Variants in ERBIN observed in about 807,000 individuals in gnomAD.
The protein encoded by ERBIN is densin-180-like protein.
In ERBIN, 60 loss-of-function variants were observed where a neutral mutation model predicts 158.4. The ratio of observed to expected loss-of-function variants is 0.38; its 90% CI spans 0.31 to 0.47. ERBIN has a LOEUF of 0.47. Ranked by LOEUF, ERBIN falls within the 20% of genes least tolerant of loss-of-function variation. The pLI, the probability that ERBIN is intolerant of heterozygous loss-of-function variation, is 0.99. For synonymous variants in ERBIN, 594 were observed against 557.2 expected, an observed-to-expected ratio of 1.07 and a Z score of -0.93; for missense variants, 1,610 against 1,648.0, an observed-to-expected ratio of 0.98 and a Z score of 0.40.
chr5:65,987,427 T>C (rs981361873), intron 1 of ERBIN, among the ~76,000 whole-genome samples: 2 of 132,522 alleles, frequency 1.5e-5, no homozygotes, highest in African/African-American at 5.6e-5. Context: ...CTGGGTGTGG[T>C]GGTGCACGCT....
chr5:66,069,354 A>G (rs780939662), intron 21 of ERBIN, among the ~76,000 whole-genome samples: 2 of 152,224 alleles, frequency 1.3e-5, no homozygotes, highest in African/African-American at 4.8e-5. Context: ...TTTTAAGGCT[A>G]TGCTATATGT....
At chr5:65,941,202 A>G (rs968122361) in intron 1 of ERBIN, among the ~76,000 whole-genome samples, 4 of 152,056 alleles carry the variant, frequency 2.6e-5, no homozygotes, top group Admixed American at 2.0e-4. Context: ...GGTCCTCTGC[A>G]TATGAAAACC....
intron 22 of ERBIN, among the ~76,000 whole-genome samples, chr5:66,072,810 A>G (rs992260127): frequency 6.6e-6 from 1 of 152,172 alleles, no homozygotes; most frequent in Admixed American, 6.5e-5. Flanking sequence ...ATTTTTTACT[A>G]TCCTCCCTCA....
At chr5:65,927,553 A>T (rs748751209) in intron 1 of ERBIN, among the ~76,000 whole-genome samples, 1 of 152,240 alleles carries the variant, frequency 6.6e-6, no homozygotes, top group Admixed American at 6.5e-5. Flanking sequence ...ATTAAACAAC[A>T]TTAACAACCT....
At chr5:65,948,783 A>G (rs1453114604) in intron 1 of ERBIN, among the ~76,000 whole-genome samples, 1 of 9,574 alleles carries the variant, frequency 1.0e-4, no homozygotes. Context: ...TTTTTTTTTG[A>G]GACAGAGTCT....
At chr5:66,060,450 C>T (rs1423962446) in intron 21 of ERBIN, among the ~76,000 whole-genome samples, 8 of 152,142 alleles carry the variant, frequency 5.3e-5, no homozygotes, top group Non-Finnish European at 1.2e-4. Flanking sequence ...ATTAGTCTTG[C>T]TAGCAGTCTA....
At chr5:65,994,567 A>C (rs1355402398) in intron 3 of ERBIN, among the ~76,000 whole-genome samples, 180 bp from the exon 4 acceptor site, 1 of 152,182 alleles carries the variant, frequency 6.6e-6, no homozygotes, top group Non-Finnish European at 1.5e-5. Context: ...ATATAAATTA[A>C]TCTGAATGGT....
chr5:65,963,860 A>G (rs1479723692), intron 1 of ERBIN, among the ~76,000 whole-genome samples: 1 of 148,772 alleles, frequency 6.7e-6, no homozygotes, highest in Admixed American at 6.7e-5. Flanking sequence ...TGCGATTTCA[A>G]CTCACTGCAA....
intron 12 of ERBIN, 28 bp downstream of exon 12, chr5:66,026,005 T>C: frequency 6.4e-7 from 1 of 1,552,848 alleles, no homozygotes; most frequent in African/African-American, 1.4e-5. Context: ...TGTTTAGATT[T>C]TTGTCTTTTC....
intron 21 of ERBIN, among the ~76,000 whole-genome samples, chr5:66,056,647 A>G (rs1759611920): frequency 6.6e-6 from 1 of 152,000 alleles, no homozygotes; most frequent in Admixed American, 6.6e-5. Flanking sequence ...AGTAATTTAG[A>G]GGTGTGAATT....
intron 4 of ERBIN, among the ~76,000 whole-genome samples, chr5:66,004,226 G>A (rs1174494668): frequency 6.6e-6 from 1 of 151,694 alleles, no homozygotes; most frequent in Admixed American, 6.6e-5. Flanking sequence ...GAATACAGGC[G>A]TGAGCCACCA....
At chr5:65,982,963 C>G (rs1268602162) in intron 1 of ERBIN, among the ~76,000 whole-genome samples, 1 of 152,150 alleles carries the variant, frequency 6.6e-6, no homozygotes, top group African/African-American at 2.4e-5. Context: ...TGTTCCATGT[C>G]TTGATTCCTG....
At chr5:65,977,049 G>C (rs1479408732) in intron 1 of ERBIN, among the ~76,000 whole-genome samples, 1 of 152,072 alleles carries the variant, frequency 6.6e-6, no homozygotes, top group Non-Finnish European at 1.5e-5. Context: ...CGCAGATGGG[G>C]TGGTGGCCGG....
At chr5:65,988,374 TAA>T (rs994924385) in intron 1 of ERBIN, among the ~76,000 whole-genome samples, 5 of 141,992 alleles carry the variant, frequency 3.5e-5, no homozygotes, top group Non-Finnish European at 4.7e-5. Flanking sequence ...CCCAGTCTCT[TAA>T]AAAAAAAAAA....
At chr5:65,964,010 A>C (rs931602372) in intron 1 of ERBIN, among the ~76,000 whole-genome samples, 1 of 152,120 alleles carries the variant, frequency 6.6e-6, no homozygotes, top group Non-Finnish European at 1.5e-5. Context: ...CATGTTAGCC[A>C]GGATGGTCTT....
intron 1 of ERBIN, among the ~76,000 whole-genome samples, chr5:65,945,062 A>G (rs941395824): frequency 2.0e-5 from 3 of 152,252 alleles, no homozygotes; most frequent in African/African-American, 7.2e-5. Flanking sequence ...GAAAAATAAA[A>G]ATACCTCTTA....
chr5:65,949,902 C>T (rs1202350046), intron 1 of ERBIN, among the ~76,000 whole-genome samples: 1 of 152,148 alleles, frequency 6.6e-6, no homozygotes, highest in Non-Finnish European at 1.5e-5. Context: ...AAATTCCTGG[C>T]CTCAAATGAT....
At position 66,062,038 on chromosome 5, in the gene ERBIN, C is replaced by G. The variant is rs367775991; in HGVS notation, c.3633+7087C>G. On this transcript the variant is annotated intron_variant, in intron 21 of 25. Coordinates refer to ENST00000284037, the MANE Select transcript of ERBIN (RefSeq NM_001253697.2). The stretch of plus-strand genomic sequence containing the variant: ...TTATGTGTCTTGGAGTTGCTCTTCT[C>G]GAGGAGTATCTTTGTGGCGTTCTCT... Among the ~76,000 whole-genome samples, 34 of 150,314 alleles carry G rather than the reference C, an allele frequency of 2.3e-4. No homozygotes were observed. The East Asian group carries it at 5.3e-3, about 23-fold the overall frequency.
intron 25 of ERBIN, among the ~76,000 whole-genome samples, chr5:66,077,412 C>T (rs1762088474): frequency 6.6e-6 from 1 of 151,854 alleles, no homozygotes; most frequent in Admixed American, 6.6e-5. Flanking sequence ...AAGTATAGCT[C>T]TCATTTTCTA....
Sources: allele counts gnomAD v4.1 joint callset (sites outside exome capture counted in the v4.1 genomes callset), GRCh38; gene constraint gnomAD v4.1.1; transcripts MANE v1.5; gene names NCBI Gene and HGNC (gene_info 2026-07-23, HGNC 2026-07-21).